GALNT17: variants seen among roughly 807,000 people sequenced by gnomAD.
GALNT17 encodes the protein polypeptide N-acetylgalactosaminyltransferase 17.
Under a neutral mutation model 63.7 loss-of-function variants are expected in GALNT17, and 29 were observed. The observed-to-expected ratio is 0.46, with a 90% CI of 0.34 to 0.62. The LOEUF (loss-of-function observed/expected upper bound fraction) is 0.62, where lower values mean the gene tolerates loss of function less well. GALNT17 is among the 20% of genes least tolerant of loss of function. The pLI is 0.01. For missense variants in GALNT17, 603 were observed against 799.6 expected (o/e 0.75, Z 2.97); for synonymous variants, 305 against 318.3 (o/e 0.96, Z 0.45).
At chr7:71,401,091 C>CT (rs1472181772) in intron 3 of GALNT17, among the ~76,000 whole-genome samples, 1 of 144,160 alleles carries the variant, frequency 6.9e-6, no homozygotes, top group South Asian at 2.2e-4. Context: ...TTTTCTTTTT[C>CT]TTTTTCTTTT....
intron 5 of GALNT17, among the ~76,000 whole-genome samples, chr7:71,500,703 C>T (rs1169773661): frequency 1.3e-5 from 2 of 152,108 alleles, no homozygotes; most frequent in East Asian, 1.9e-4. Flanking sequence ...GGGCTCTTTC[C>T]TTTCATCACT....
chr7:71,614,260 T>C (rs1387844597), intron 6 of GALNT17, among the ~76,000 whole-genome samples: 1 of 150,730 alleles, frequency 6.6e-6, no homozygotes, highest in African/African-American at 2.4e-5. Context: ...AAATCCAAAA[T>C]GCTCCAAAAT....
At chr7:71,244,460 G>A (rs1477182766) in intron 1 of GALNT17, among the ~76,000 whole-genome samples, 3 of 152,160 alleles carry the variant, frequency 2.0e-5, no homozygotes, top group Admixed American at 2.0e-4. Flanking sequence ...ACAGATCTGA[G>A]TTTGAACCTC....
chr7:71,348,798 A>G (rs1792139705), intron 2 of GALNT17, among the ~76,000 whole-genome samples: 1 of 152,336 alleles, frequency 6.6e-6, no homozygotes, highest in African/African-American at 2.4e-5. Flanking sequence ...AAATCCTCAC[A>G]CTGTTACTGG....
chr7:71,560,562 G>C (rs1447241681), intron 5 of GALNT17, among the ~76,000 whole-genome samples: 1 of 152,222 alleles, frequency 6.6e-6, no homozygotes, highest in Non-Finnish European at 1.5e-5. Context: ...ATCACATGCA[G>C]AGGAGGGGTC....
chr7:71,318,660 C>T (rs1791546525), intron 1 of GALNT17, among the ~76,000 whole-genome samples: 1 of 151,918 alleles, frequency 6.6e-6, no homozygotes, highest in African/African-American at 2.4e-5. Flanking sequence ...AATCTCTTGA[C>T]CTTGTGATCC....
intron 1 of GALNT17, among the ~76,000 whole-genome samples, chr7:71,244,764 C>G (rs1790063658): frequency 6.6e-6 from 1 of 152,080 alleles, no homozygotes; most frequent in Admixed American, 6.5e-5. Context: ...GCCTGGGCAA[C>G]ATAGTGAGAC....
At chr7:71,506,535 G>A (rs1788272053) in intron 5 of GALNT17, among the ~76,000 whole-genome samples, 1 of 152,058 alleles carries the variant, frequency 6.6e-6, no homozygotes, top group African/African-American at 2.4e-5. Flanking sequence ...CCAAAGTGCT[G>A]GGATTACAGG....
At chr7:71,486,165 C>G (rs1039497971) in intron 5 of GALNT17, among the ~76,000 whole-genome samples, 1 of 151,612 alleles carries the variant, frequency 6.6e-6, no homozygotes, top group African/African-American at 2.4e-5. Flanking sequence ...CCCATTTCTA[C>G]TAAAAATGCA....
rs369561035 is a variant in GALNT17 at position 71,710,756 on chromosome 7, G to A, written c.1501-5G>A. ...CATTCCCCTGCTGCTCTGGTCTCTC[G>A]ACAGCTTGCCCGCTACACCAAGGAA... is the stretch of plus-strand genomic sequence containing the variant. On this transcript the variant is annotated splice_polypyrimidine_tract_variant and splice_region_variant and intron_variant, in intron 9 of 10. Coordinates refer to ENST00000333538, the MANE Select transcript of GALNT17 (RefSeq NM_022479.3). 83 of 1,611,166 alleles carry A rather than the reference G, an allele frequency of 5.2e-5. No individual in the cohort carries two copies. Among genetic ancestry groups the A allele is most frequent in the Non-Finnish European group, 5.9e-5 (70 of 1,179,660 alleles).
chr7:71,468,655 G>C (rs1787577629), intron 5 of GALNT17, among the ~76,000 whole-genome samples: 1 of 151,080 alleles, frequency 6.6e-6, no homozygotes, highest in African/African-American at 2.4e-5. Flanking sequence ...GACCTCAGGT[G>C]ATCCTGCTAC....
intron 6 of GALNT17, among the ~76,000 whole-genome samples, chr7:71,646,947 C>T (rs1177244834): frequency 1.3e-5 from 2 of 151,700 alleles, no homozygotes; most frequent in African/African-American, 2.4e-5. Context: ...GGGGTTTCAC[C>T]GTGTTAGCCA....
intron 2 of GALNT17, among the ~76,000 whole-genome samples, chr7:71,341,143 A>C (rs1221322777): frequency 6.6e-6 from 1 of 152,222 alleles, no homozygotes; most frequent in African/African-American, 2.4e-5. Context: ...TGAACCTAGG[A>C]GTTAGAGTCC....
intron 2 of GALNT17, among the ~76,000 whole-genome samples, chr7:71,342,754 A>G (rs1050329068): frequency 6.6e-6 from 1 of 152,236 alleles, no homozygotes; most frequent in Non-Finnish European, 1.5e-5. Flanking sequence ...CAGGAAGTCA[A>G]TTGAAAATGT....
intron 1 of GALNT17, among the ~76,000 whole-genome samples, chr7:71,255,977 A>G (rs1035557459): frequency 1.3e-5 from 2 of 152,182 alleles, no homozygotes; most frequent in Non-Finnish European, 2.9e-5. Flanking sequence ...CTGCCTTTTC[A>G]GAATTACTGA....
In GALNT17 at chr7:71,152,150, A is replaced by G. The variant is rs538303777; in HGVS notation, c.238+19110A>G. ...CCTGCAATTGAACTGATTCCAGGAG[A>G]CTTGAATAAAGGGGATAAAATGACT... On this transcript the variant is annotated intron_variant, in intron 1 of 10. Transcript: ENST00000333538. Among the ~76,000 whole-genome samples, 21 of 151,848 alleles carry G rather than the reference A, an allele frequency of 1.4e-4. No individual in the cohort carries two copies. In the South Asian group the frequency reaches 4.4e-3, roughly 32 times the overall value.
At chr7:71,666,378 A>T (rs1790985538) in intron 7 of GALNT17, among the ~76,000 whole-genome samples, 1 of 149,130 alleles carries the variant, frequency 6.7e-6, no homozygotes, top group Admixed American at 6.7e-5. Context: ...ATTTATATAA[A>T]TTTTTTTATG....
chr7:71,371,443 T>A (rs1792621919), intron 2 of GALNT17, among the ~76,000 whole-genome samples: 1 of 152,236 alleles, frequency 6.6e-6, no homozygotes, highest in Admixed American at 6.5e-5. Context: ...GCCATTTGTC[T>A]CTTTTGTTAT....
At chr7:71,408,578 T>C (rs1231698567) in intron 3 of GALNT17, among the ~76,000 whole-genome samples, 1 of 152,164 alleles carries the variant, frequency 6.6e-6, no homozygotes, top group Non-Finnish European at 1.5e-5. Context: ...GATCCCAGTA[T>C]TGGAGCCAAG....
Sources: gnomAD v4.1 joint callset for allele counts (sites outside exome capture counted in the v4.1 genomes callset) on GRCh38, gnomAD v4.1.1 for gene constraint, MANE v1.5 for transcripts, NCBI Gene and HGNC (gene_info 2026-07-23, HGNC 2026-07-21) for gene names.